The following OR1J2 variants were observed in gnomAD, a reference collection of about 807,000 sequenced individuals.
OR1J2 encodes the protein olfactory receptor family 1 subfamily J member 2.
For missense variants in OR1J2, 304 were observed against 246.1 expected (o/e 1.24, Z -1.57); for synonymous variants, 142 against 99.7 (o/e 1.42, Z -2.52).
the OR1J2 span, among the ~76,000 whole-genome samples, chr9:122,500,263 A>G: frequency 6.6e-6 from 1 of 152,138 alleles, no homozygotes; most frequent in Non-Finnish European, 1.5e-5. Flanking sequence ...AGGGCTTGAG[A>G]GAAGCAAAAT....
At chr9:122,533,717 G>A in the OR1J2 span, among the ~76,000 whole-genome samples, 19 of 152,222 alleles carry the variant, frequency 1.2e-4, no homozygotes, top group East Asian at 1.5e-3. Context: ...AAGCCTGGTC[G>A]TCAATACCCA....
At chr9:122,514,056 A>G (rs1364239987), downstream of OR1J2, among the ~76,000 whole-genome samples, 1 of 152,204 alleles carries the variant, frequency 6.6e-6, no homozygotes, top group Non-Finnish European at 1.5e-5. Context: ...CAGAAAATGA[A>G]AGCTATAAAG....
the OR1J2 span, among the ~76,000 whole-genome samples, chr9:122,550,266 C>T: frequency 6.6e-6 from 1 of 151,948 alleles, no homozygotes; most frequent in Non-Finnish European, 1.5e-5. Flanking sequence ...AATCTCCCAA[C>T]AACAACAACA....
chr9:122,553,065 T>C, the OR1J2 span: 1 of 792,212 alleles, frequency 1.3e-6, no homozygotes, highest in Non-Finnish European at 2.1e-6. Flanking sequence ...ATTCAGAGAT[T>C]CTTATTGGCA....
the OR1J2 span, among the ~76,000 whole-genome samples, chr9:122,535,038 C>G: frequency 6.6e-6 from 1 of 151,554 alleles, no homozygotes; most frequent in Non-Finnish European, 1.5e-5. Flanking sequence ...AGAACACAGG[C>G]TAAGGGAGAA....
At chr9:122,478,848 C>A in the OR1J2 span, among the ~76,000 whole-genome samples, 1 of 150,796 alleles carries the variant, frequency 6.6e-6, no homozygotes, top group Non-Finnish European at 1.5e-5. Context: ...GGTGAGATCT[C>A]GGCACACTGT....
chr9:122,525,519 C>G, the OR1J2 span, among the ~76,000 whole-genome samples: 1 of 152,158 alleles, frequency 6.6e-6, no homozygotes, highest in Non-Finnish European at 1.5e-5. Context: ...CATTTACCTT[C>G]AAACATCATT....
At chr9:122,531,413 C>A in the OR1J2 span, among the ~76,000 whole-genome samples, 5 of 152,108 alleles carry the variant, frequency 3.3e-5, no homozygotes, top group African/African-American at 1.2e-4. Flanking sequence ...TAGTTGAGAA[C>A]GGTGAATAGG....
the OR1J2 span, chr9:122,567,693 T>C: frequency 6.2e-6 from 10 of 1,614,104 alleles, no homozygotes; most frequent in Non-Finnish European, 8.5e-6. Context: ...GGATGGGGGC[T>C]GTAAATAGAC....
the OR1J2 span, among the ~76,000 whole-genome samples, chr9:122,460,391 T>A: frequency 6.6e-6 from 1 of 152,092 alleles, no homozygotes; most frequent in Non-Finnish European, 1.5e-5. Context: ...ACTTTATGTT[T>A]TTGTTTCCTT....
At chr9:122,485,628 T>C in the OR1J2 span, among the ~76,000 whole-genome samples, 2 of 152,216 alleles carry the variant, frequency 1.3e-5, no homozygotes, top group African/African-American at 4.8e-5. Context: ...AGATTAGGTT[T>C]CAAGTTAAGT....
upstream of OR1J2, among the ~76,000 whole-genome samples, chr9:122,510,489 CATATAT>C (rs140025674): frequency 4.0e-5 from 6 of 151,400 alleles, no homozygotes; most frequent in African/African-American, 1.5e-4. Context: ...TGAAATAAAA[CATATAT>C]ATATATGTAT....
chr9:122,528,277 C>T, the OR1J2 span, among the ~76,000 whole-genome samples: 2 of 152,178 alleles, frequency 1.3e-5, no homozygotes, highest in African/African-American at 4.8e-5. Context: ...ACCAGTTTAT[C>T]ATAATCAAGT....
the OR1J2 span, among the ~76,000 whole-genome samples, chr9:122,529,234 T>C: frequency 1.3e-5 from 2 of 151,424 alleles, no homozygotes; most frequent in Non-Finnish European, 2.9e-5. Flanking sequence ...AATAGCCATG[T>C]CCAGAAGGGT....
At chr9:122,449,338 C>T in the OR1J2 span, among the ~76,000 whole-genome samples, 1 of 152,114 alleles carries the variant, frequency 6.6e-6, no homozygotes, top group African/African-American at 2.4e-5. Context: ...TCTTGATGGT[C>T]ATGTAGCCCT....
the OR1J2 span, among the ~76,000 whole-genome samples, chr9:122,576,604 T>C: frequency 6.6e-6 from 1 of 152,164 alleles, no homozygotes; most frequent in Admixed American, 6.5e-5. Flanking sequence ...TTATGAATAC[T>C]GTATATATCT....
the OR1J2 span, among the ~76,000 whole-genome samples, chr9:122,565,348 T>C: frequency 2.6e-5 from 4 of 152,190 alleles, no homozygotes; most frequent in Admixed American, 1.3e-4. Context: ...GGGGAGGTTT[T>C]AATAAGTGGA....
chr9:122,469,428 C>T, the OR1J2 span, among the ~76,000 whole-genome samples: 1 of 152,170 alleles, frequency 6.6e-6, no homozygotes, highest in African/African-American at 2.4e-5. Flanking sequence ...GTGCCTTTCA[C>T]CTCCCACTAT....
At chr9:122,499,131 G>A in the OR1J2 span, among the ~76,000 whole-genome samples, 1 of 152,254 alleles carries the variant, frequency 6.6e-6, no homozygotes, top group African/African-American at 2.4e-5. Context: ...TGTGGGTTGA[G>A]CCATGAAGGA....
Sources: allele counts gnomAD v4.1 joint callset (sites outside exome capture counted in the v4.1 genomes callset), GRCh38; gene constraint gnomAD v4.1.1; transcripts MANE v1.5; gene names NCBI Gene and HGNC (gene_info 2026-07-23, HGNC 2026-07-21).